PANK2: variants seen among roughly 807,000 people sequenced by gnomAD.
PANK2 encodes pantothenate kinase 2.
A neutral mutation model predicts 43.1 loss-of-function variants in PANK2; 36 were observed. That is an observed-to-expected ratio of 0.84 (90% CI 0.64 to 1.10). The LOEUF (loss-of-function observed/expected upper bound fraction) is 1.10, where lower values mean the gene tolerates loss of function less well. PANK2 is among the 50% of genes least tolerant of loss of function. The pLI, the probability that PANK2 is intolerant of heterozygous loss-of-function variation, is 0.00. For missense variants in PANK2, 576 were observed against 593.3 expected, an observed-to-expected ratio of 0.97 and a Z score of 0.30; for synonymous variants, 281 against 238.2, an observed-to-expected ratio of 1.18 and a Z score of -1.66.
At chr20:3,904,955 A>G (rs1215953491) in intron 1 of PANK2, among the ~76,000 whole-genome samples, 2 of 152,178 alleles carry the variant, frequency 1.3e-5, no homozygotes, top group African/African-American at 4.8e-5. Flanking sequence ...TAGGGGAGGT[A>G]TGAGATACGT....
At chr20:3,912,196 G>GA (rs912159105) in intron 3 of PANK2, among the ~76,000 whole-genome samples, 20 of 152,174 alleles carry the variant, frequency 1.3e-4, no homozygotes, top group African/African-American at 4.3e-4. Flanking sequence ...ATTTGCACCT[G>GA]AGGCTCTTCA....
intron 5 of PANK2, 124 bp downstream of exon 5, chr20:3,917,174 A>C (rs2090574842): frequency 7.9e-7 from 1 of 1,269,716 alleles, no homozygotes; most frequent in Admixed American, 1.8e-5. Flanking sequence ...TTGTTTTAGC[A>C]CGAAGTTAAA....
intron 1 of PANK2, among the ~76,000 whole-genome samples, chr20:3,895,649 TTTCTCAGGTTCA>T (rs2090195849): frequency 6.6e-6 from 1 of 152,108 alleles, no homozygotes; most frequent in African/African-American, 2.4e-5. Context: ...CTTGTGAGCT[TTTCTCAGGTTCA>T]TAATTTGGGG....
intron 3 of PANK2, 103 bp from the exon 4 acceptor site, chr20:3,912,355 T>C: frequency 8.1e-6 from 10 of 1,238,854 alleles, no homozygotes; most frequent in Middle Eastern, 2.2e-4. Context: ...ATTTGCATGA[T>C]TGGGTTGGAT....
rs373601506 is a variant in PANK2 at position 3,915,408 on chromosome 20, C to T, written c.1083-1519C>T. On this transcript the variant is annotated intron_variant, in intron 4 of 6. Transcript: ENST00000610179. Reference sequence around the variant, plus strand: ...CCACCTCCCGGGTTCAAGCGATTCTCCTGCCTCAGCCTCCTGAGTAGCTGG... The same window carrying T: ...CCACCTCCCGGGTTCAAGCGATTCTTCTGCCTCAGCCTCCTGAGTAGCTGG... Among the ~76,000 whole-genome samples, 37 of 152,184 alleles carry T rather than the reference C, an allele frequency of 2.4e-4. 1 individual carries two copies. In the East Asian group the frequency reaches 4.4e-3, roughly 18 times the overall value.
chr20:3,889,386 T>A (rs773049172), upstream of PANK2: 3 of 1,575,048 alleles, frequency 1.9e-6, no homozygotes, highest in South Asian at 3.5e-5. Context: ...GGCGCGCCTC[T>A]GCTCTGGCTG....
At chr20:3,917,578 G>T (rs758993497) in intron 5 of PANK2, 2 of 518,038 alleles carry the variant, frequency 3.9e-6, no homozygotes, top group African/African-American at 1.9e-5. Flanking sequence ...ACCAAGAATG[G>T]GCTGCCCTTG....
At chr20:3,889,273 C>G (rs762571283), upstream of PANK2, 2 of 1,611,352 alleles carry the variant, frequency 1.2e-6, no homozygotes, top group Admixed American at 3.4e-5. Flanking sequence ...GTCAATCCTC[C>G]TCGAGTTAGG....
intron 6 of PANK2, among the ~76,000 whole-genome samples, chr20:3,920,892 A>C (rs1327632556): frequency 6.6e-6 from 1 of 152,120 alleles, no homozygotes; most frequent in African/African-American, 2.4e-5. Flanking sequence ...AATAGTTATA[A>C]GCCTTCGTGA....
Position 3,928,018 on chromosome 20 carries a change from C to T in PANK2, c.*4724C>T, listed in dbSNP as rs1231397124. On this transcript the variant is annotated 3_prime_UTR_variant, in exon 7 of 7. Coordinates refer to ENST00000610179, the MANE Select transcript of PANK2 (RefSeq NM_001386393.1). ...AGCCCCTCTTTTTCTTCTGATATCCCCACTCAAATGGAAGCACACTCCCCA... is the reference window on the plus strand; with the variant it reads ...AGCCCCTCTTTTTCTTCTGATATCCTCACTCAAATGGAAGCACACTCCCCA... 6.6e-6 allele frequency: 1 copy of T among 152,132 alleles called. No individual in the cohort carries two copies. The highest frequency in any genetic ancestry group is 1.5e-5 in the Non-Finnish European group (1 of 68,028). The allele number at this position is 152,132 out of a possible 1,614,324, so 9.4% of individuals were successfully genotyped here. A position where few individuals can be genotyped will look rare whatever the true frequency, so the allele number is the denominator to read the frequency against.
At chr20:3,921,373 C>A (rs2090644790) in intron 6 of PANK2, 1 of 152,178 alleles carries the variant, frequency 6.6e-6, no homozygotes, top group South Asian at 2.1e-4. Context: ...CGTATAGATT[C>A]TCTCAAGCGT....
At position 3,925,412 on chromosome 20, in the gene PANK2, TTAG is replaced by T. The variant is rs2090705864; in HGVS notation, c.*2122_*2124del. ...CCATGGCTGGCTAATTTTTATATTT[TTAG>T]TAGAGATGGGGTTTCACCATGATGG... On this transcript the variant is annotated 3_prime_UTR_variant, in exon 7 of 7. Transcript: ENST00000610179. 6.6e-6 allele frequency: 1 copy of T among 152,350 alleles called. No homozygotes were observed. The highest frequency in any genetic ancestry group is 2.4e-5 in the African/African-American group (1 of 41,464). 9.4% of individuals were successfully genotyped at this position (152,350 alleles called of 1,614,324 possible). A position where few individuals can be genotyped will look rare whatever the true frequency, so the allele number is the denominator to read the frequency against.
Position 3,929,824 on chromosome 20 carries a change from C to CTGAT in PANK2, c.*6532_*6535dup, listed in dbSNP as rs1311892529. The CTGAT allele has an allele frequency of 6.6e-6, 1 of 152,222 alleles. No homozygotes were observed. The highest frequency in any genetic ancestry group is 2.4e-5 in the African/African-American group (1 of 41,454). 9.4% of individuals were successfully genotyped at this position (152,222 alleles called of 1,614,324 possible). On this transcript the variant is annotated 3_prime_UTR_variant, in exon 7 of 7. Coordinates refer to ENST00000610179, the MANE Select transcript of PANK2 (RefSeq NM_001386393.1). ...TGGGGTAAGGGAGGGACTGCAGATT[C>CTGAT]TGATTTGTACAGAAAACTAAAATTT...
chr20:3,901,644 A>T (rs1336119812), intron 1 of PANK2: 1 of 961,806 alleles, frequency 1.0e-6, no homozygotes, highest in Non-Finnish European at 1.2e-6. Flanking sequence ...CAGATTGCTT[A>T]TTTTTGTAAA....
intron 4 of PANK2, among the ~76,000 whole-genome samples, chr20:3,913,991 A>G (rs12480548): frequency 0.32 from 48,243 of 151,080 alleles, 7,819 homozygotes; most frequent in East Asian, 0.41. Context: ...GGGTTTCACT[A>G]TGTTGGCCAG....
At chr20:3,890,273 G>C (rs571311255) in intron 1 of PANK2, among the ~76,000 whole-genome samples, 4 of 152,214 alleles carry the variant, frequency 2.6e-5, no homozygotes, top group Non-Finnish European at 4.4e-5. Flanking sequence ...GAGAATCCAG[G>C]TCATCTCTCA....
chr20:3,889,082 G>A (rs2090062139), upstream of PANK2: 1 of 1,524,492 alleles, frequency 6.6e-7, no homozygotes, highest in Non-Finnish European at 8.8e-7. Flanking sequence ...CACAAGTGGG[G>A]GGCGGAAGGA....
intron 1 of PANK2, among the ~76,000 whole-genome samples, chr20:3,899,650 C>T (rs557468848): frequency 1.3e-5 from 2 of 149,330 alleles, no homozygotes; most frequent in East Asian, 2.0e-4. Flanking sequence ...TTAGTGTTTT[C>T]GAAGTATGTG....
intron 6 of PANK2, among the ~76,000 whole-genome samples, chr20:3,920,811 C>T (rs949408752): frequency 6.6e-6 from 1 of 152,254 alleles, no homozygotes; most frequent in African/African-American, 2.4e-5. Context: ...CACCACTGCA[C>T]TCCAGCCTGG....
Sources: gnomAD v4.1 joint callset for allele counts (sites outside exome capture counted in the v4.1 genomes callset) on GRCh38, gnomAD v4.1.1 for gene constraint, MANE v1.5 for transcripts, NCBI Gene and HGNC (gene_info 2026-07-23, HGNC 2026-07-21) for gene names.